KIAA0825: variants seen among roughly 807,000 people sequenced by gnomAD.
KIAA0825 encodes the protein uncharacterized protein KIAA0825.
KIAA0825 carries 119 observed loss-of-function variants against 147.6 expected under a neutral mutation model. That is an observed-to-expected ratio of 0.81 (90% CI 0.69 to 0.94). The LOEUF is 0.94. KIAA0825 is among the 40% of genes least tolerant of loss of function. KIAA0825 has a pLI of 0.00. For missense variants in KIAA0825, 1,381 were observed against 1,472.7 expected (o/e 0.94, Z 1.02); for synonymous variants, 470 against 518.1 (o/e 0.91, Z 1.26).
At chr5:94,326,482 T>C (rs1463397679) in intron 20 of KIAA0825, among the ~76,000 whole-genome samples, 1 of 152,194 alleles carries the variant, frequency 6.6e-6, no homozygotes, top group Non-Finnish European at 1.5e-5. Context: ...TTCTGTGGTT[T>C]TTCAAAGTAA....
chr5:94,242,654 C>A (rs1426088155), intron 20 of KIAA0825, among the ~76,000 whole-genome samples: 1 of 145,042 alleles, frequency 6.9e-6, no homozygotes, highest in Admixed American at 7.1e-5. Flanking sequence ...CCTTTTTCTT[C>A]TTGCTCTGTT....
chr5:94,262,427 G>T (rs1181179544), intron 20 of KIAA0825, among the ~76,000 whole-genome samples: 1 of 151,944 alleles, frequency 6.6e-6, no homozygotes, highest in Non-Finnish European at 1.5e-5. Context: ...GTTTAATCAG[G>T]CTTTTACACT....
At chr5:94,433,307 G>A (rs893567847) in intron 14 of KIAA0825, among the ~76,000 whole-genome samples, 1 of 152,194 alleles carries the variant, frequency 6.6e-6, no homozygotes, top group African/African-American at 2.4e-5. Context: ...GATTACAGGC[G>A]TGAGCCACCG....
In KIAA0825 at chr5:94,520,525, G is replaced by T. The variant is rs1157926871; in HGVS notation, c.693C>A (p.Tyr231Ter). Residue 231 changes from tyrosine (Y) to a stop codon, truncating the protein, a stop_gained, in exon 5 of 21, where the codon TAC becomes TAA. Coordinates refer to ENST00000682413, the MANE Select transcript of KIAA0825 (RefSeq NM_001145678.3). LOFTEE classifies it high-confidence loss of function. ...ANLLWNCFPS[Y>*]NRDSNLDVIA... ...TTACATCTAAATTTGAATCTCTGTT[G>T]TAAGAAGGAAAGCAGTTCCACAGAA... The T allele has an allele frequency of 6.2e-7, 1 of 1,613,028 alleles. No homozygotes were observed. Among genetic ancestry groups the T allele is most frequent in the Non-Finnish European group, 8.5e-7 (1 of 1,179,230 alleles).
At chr5:94,573,254 A>G (rs114244016) in intron 2 of KIAA0825, among the ~76,000 whole-genome samples, 2,015 of 149,178 alleles carry the variant, frequency 0.014, 25 homozygotes, top group Middle Eastern at 0.028. Flanking sequence ...TATGGAGACC[A>G]AGGTTCTTTT....
At position 94,153,306 on chromosome 5, in the gene KIAA0825, C is replaced by T. The variant is rs1366299862; in HGVS notation, c.*701G>A. The T allele has an allele frequency of 6.6e-6, 1 of 151,928 alleles. No homozygotes were observed. Among genetic ancestry groups the T allele is most frequent in the Non-Finnish European group, 1.5e-5 (1 of 67,980 alleles). The allele number at this position is 151,928 out of a possible 1,614,324, so 9.4% of individuals were successfully genotyped here. A position where few individuals can be genotyped will look rare whatever the true frequency, so the allele number is the denominator to read the frequency against. On this transcript the variant is annotated 3_prime_UTR_variant, in exon 21 of 21. Coordinates refer to ENST00000682413, the MANE Select transcript of KIAA0825 (RefSeq NM_001145678.3). Reference sequence around the variant, plus strand: ...CCTAATTTTGGAAGAAAGATGGATTCTGATTGGGAAAACATGGCAAGCATG... The same window carrying T: ...CCTAATTTTGGAAGAAAGATGGATTTTGATTGGGAAAACATGGCAAGCATG...
intron 20 of KIAA0825, among the ~76,000 whole-genome samples, chr5:94,382,011 C>A (rs1748480374): frequency 6.6e-6 from 1 of 152,114 alleles, no homozygotes; most frequent in South Asian, 2.1e-4. Context: ...ATTATGTCCT[C>A]AGACAACATT....
At chr5:94,615,100 A>C (rs2152449567) in intron 1 of KIAA0825, among the ~76,000 whole-genome samples, 1 of 151,336 alleles carries the variant, frequency 6.6e-6, no homozygotes, top group East Asian at 1.9e-4. Flanking sequence ...TGATTTTTTT[A>C]ACTCTATTCT....
At chr5:94,239,703 G>A (rs1463508580) in intron 20 of KIAA0825, among the ~76,000 whole-genome samples, 3 of 152,122 alleles carry the variant, frequency 2.0e-5, no homozygotes, top group Non-Finnish European at 4.4e-5. Context: ...CAGTGCTATT[G>A]TCTGTTTCCT....
At position 94,519,290 on chromosome 5, in the gene KIAA0825, T is replaced by C. The variant is rs904687343; in HGVS notation, c.970+958A>G. 4 of 906,552 alleles carry C rather than the reference T, an allele frequency of 4.4e-6. No individual in the cohort carries two copies. The African/African-American group carries it at 7.2e-5, about 16-fold the overall frequency. 56.2% of individuals were successfully genotyped at this position (906,552 alleles called of 1,614,324 possible). ...TATAGGAATTTTAAAAAGATGATCA[T>C]AAATTCAAAGATCCATAATTCACCA... On this transcript the variant is annotated intron_variant, in intron 5 of 20. Transcript: ENST00000682413.
intron 20 of KIAA0825, among the ~76,000 whole-genome samples, chr5:94,159,197 G>A (rs1767319029): frequency 6.6e-6 from 1 of 152,002 alleles, no homozygotes; most frequent in South Asian, 2.1e-4. Flanking sequence ...TGTTTTATCG[G>A]GATAATAAAA....
intron 2 of KIAA0825, among the ~76,000 whole-genome samples, chr5:94,538,316 A>T (rs572192402): frequency 3.7e-4 from 56 of 152,350 alleles, no homozygotes; most frequent in Middle Eastern, 6.8e-3. Context: ...AGGAGGTGAC[A>T]TTTGAGAAGA....
At chr5:94,262,973 G>A (rs972368702) in intron 20 of KIAA0825, among the ~76,000 whole-genome samples, 1 of 152,046 alleles carries the variant, frequency 6.6e-6, no homozygotes, top group African/African-American at 2.4e-5. Context: ...GTGTTACTAT[G>A]CTCCCTAGAA....
intron 1 of KIAA0825, among the ~76,000 whole-genome samples, chr5:94,602,368 A>G (rs1206874736): frequency 1.3e-5 from 2 of 151,198 alleles, no homozygotes; most frequent in African/African-American, 4.9e-5. Context: ...AAAAAAAAAG[A>G]TATTCCATGA....
intron 20 of KIAA0825, among the ~76,000 whole-genome samples, chr5:94,362,240 T>C (rs1745163755): frequency 6.6e-6 from 1 of 152,042 alleles, no homozygotes. Context: ...AAAGAAAGAA[T>C]CTGTAACTCT....
chr5:94,528,272 G>A (rs2151271102), intron 3 of KIAA0825, among the ~76,000 whole-genome samples: 1 of 152,236 alleles, frequency 6.6e-6, no homozygotes, highest in East Asian at 1.9e-4. Flanking sequence ...CCTCTTTCAG[G>A]ATTCCCATCT....
chr5:94,590,689 T>C (rs545374668), intron 1 of KIAA0825, among the ~76,000 whole-genome samples: 1 of 152,354 alleles, frequency 6.6e-6, no homozygotes, highest in Admixed American at 6.5e-5. Flanking sequence ...CTGTGCTTCT[T>C]CATAGCTTTC....
intron 20 of KIAA0825, among the ~76,000 whole-genome samples, chr5:94,281,634 T>C (rs974383629): frequency 1.3e-5 from 2 of 152,084 alleles, no homozygotes; most frequent in African/African-American, 4.8e-5. Flanking sequence ...TCCTGCATTG[T>C]AGGATGTCTG....
At chr5:94,310,492 T>C (rs56009276) in intron 20 of KIAA0825, among the ~76,000 whole-genome samples, 4,120 of 151,826 alleles carry the variant, frequency 0.027, 106 homozygotes, top group East Asian at 0.087. Context: ...TTTAAAATAG[T>C]TTTTGTTCTT....
Sources: allele counts gnomAD v4.1 joint callset (sites outside exome capture counted in the v4.1 genomes callset), GRCh38; gene constraint gnomAD v4.1.1; transcripts MANE v1.5; gene names NCBI Gene and HGNC (gene_info 2026-07-23, HGNC 2026-07-21).